Variants in R3HDM2 observed in about 807,000 individuals in gnomAD.
R3HDM2 encodes R3H domain containing 2.
R3HDM2 carries 38 observed loss-of-function variants against 124.5 expected under a neutral mutation model. The ratio of observed to expected loss-of-function variants is 0.31; its 90% CI spans 0.24 to 0.40. The LOEUF (loss-of-function observed/expected upper bound fraction) is 0.40, where lower values mean the gene tolerates loss of function less well. R3HDM2 is among the 10% of genes least tolerant of loss of function. R3HDM2 has a pLI of 1.00. For missense variants in R3HDM2, 869 were observed against 1,236.9 expected (o/e 0.70, Z 4.46); for synonymous variants, 391 against 448.0 (o/e 0.87, Z 1.61).
At position 57,269,955 on chromosome 12, in the gene R3HDM2, T is replaced by C. The variant is rs773717103; in HGVS notation, c.1384A>G (p.Ser462Gly). 1.2e-6 allele frequency: 2 copies of C among 1,614,060 alleles called. No individual in the cohort carries two copies. The highest frequency in any genetic ancestry group is 3.3e-5 in the Admixed American group (2 of 60,010). Residue 462 changes from serine (S) to glycine (G), a missense_variant, in exon 15 of 24, where the codon AGT (serine) becomes GGT (glycine). Physicochemically the swap from Ser to Gly is moderately conservative, Grantham distance 56 (BLOSUM62 0). This residue lies in a region of R3HDM2 where 602 missense variants were observed against 789.2 expected (regional missense o/e 0.76). Transcript: ENST00000402412. ...LSNPFGQMSL[S>G]RQGSTEAADP... ...GCTGCTTCAGTAGAACCTTGGCGAC[T>C]AAGGCTCATTTGTCCAAAGGGGTTG...
At chr12:57,393,455 G>C (rs552877688) in intron 2 of R3HDM2, among the ~76,000 whole-genome samples, 1 of 152,026 alleles carries the variant, frequency 6.6e-6, no homozygotes, top group Admixed American at 6.6e-5. Context: ...ACTCCAGCCT[G>C]GGCAACACAG....
intron 1 of R3HDM2, among the ~76,000 whole-genome samples, chr12:57,400,062 C>A (rs1162732335): frequency 6.6e-6 from 1 of 152,132 alleles, no homozygotes; most frequent in African/African-American, 2.4e-5. Flanking sequence ...TACCATTTGA[C>A]CCAGCCATCC....
intron 1 of R3HDM2, among the ~76,000 whole-genome samples, chr12:57,411,795 G>A (rs187554301): frequency 3.3e-5 from 5 of 152,256 alleles, no homozygotes; most frequent in African/African-American, 7.2e-5. Flanking sequence ...TGAACACCCC[G>A]ATATGGTTAG....
chr12:57,273,872 A>G (rs567787305), intron 14 of R3HDM2, among the ~76,000 whole-genome samples: 13 of 152,298 alleles, frequency 8.5e-5, no homozygotes, highest in Non-Finnish European at 1.8e-4. Context: ...AGAGTACAGG[A>G]ATTAGAAGAC....
At chr12:57,400,343 A>C (rs896966052) in intron 1 of R3HDM2, among the ~76,000 whole-genome samples, 6 of 152,006 alleles carry the variant, frequency 3.9e-5, no homozygotes, top group Admixed American at 6.6e-5. Context: ...ACAAAACACC[A>C]AACACCGCAT....
At chr12:57,315,877 T>C (rs1485610645) in intron 2 of R3HDM2, among the ~76,000 whole-genome samples, 1 of 152,212 alleles carries the variant, frequency 6.6e-6, no homozygotes, top group Non-Finnish European at 1.5e-5. Context: ...CAGAGCACTT[T>C]GGGAGGCCAA....
chr12:57,360,004 T>TAA (rs202061892), intron 2 of R3HDM2, among the ~76,000 whole-genome samples: 1 of 110,236 alleles, frequency 9.1e-6, no homozygotes, highest in East Asian at 2.6e-4. Flanking sequence ...AATAAATAAA[T>TAA]AAATATATAT....
chr12:57,304,638 T>C, intron 3 of R3HDM2: 1 of 430,620 alleles, frequency 2.3e-6, no homozygotes, highest in Non-Finnish European at 3.1e-6. Flanking sequence ...TAAGGGAAGA[T>C]TCATAGTCCA....
At chr12:57,329,268 A>C (rs887368439) in intron 2 of R3HDM2, among the ~76,000 whole-genome samples, 1 of 152,188 alleles carries the variant, frequency 6.6e-6, no homozygotes, top group East Asian at 1.9e-4. Flanking sequence ...AAAACCTATC[A>C]AAATAAAGAA....
At position 57,323,777 on chromosome 12, in the gene R3HDM2, C is replaced by T. The variant is rs115115480; in HGVS notation, c.-35-13314G>A. ...CCGTTAACAGTTTTTGTCAGCCTCT[C>T]TACATTCTTGGTTAAAAATGCCCTT... On this transcript the variant is annotated intron_variant, in intron 2 of 23. Transcript: ENST00000402412. 5.0e-3 allele frequency among the ~76,000 whole-genome samples: 768 copies of T among 152,244 alleles called. 5 individuals carry two copies. The highest frequency in any genetic ancestry group is 0.018 in the African/African-American group (731 of 41,534).
At chr12:57,316,428 G>C (rs548670544) in intron 2 of R3HDM2, among the ~76,000 whole-genome samples, 39 of 152,130 alleles carry the variant, frequency 2.6e-4, no homozygotes, top group Non-Finnish European at 4.9e-4. Flanking sequence ...AATGGAAAAG[G>C]TTTCCTATTT....
intron 2 of R3HDM2, among the ~76,000 whole-genome samples, chr12:57,383,650 G>T (rs1347574747): frequency 6.6e-6 from 1 of 152,136 alleles, no homozygotes; most frequent in Non-Finnish European, 1.5e-5. Flanking sequence ...GGAGGTTGCG[G>T]TGAGCCGAGA....
At chr12:57,422,218 A>G (rs976985326) in intron 1 of R3HDM2, among the ~76,000 whole-genome samples, 1 of 151,668 alleles carries the variant, frequency 6.6e-6, no homozygotes, top group Admixed American at 6.6e-5. Context: ...CCCTAATTCC[A>G]GTCTATTTTC....
chr12:57,259,121 G>T, intron 19 of R3HDM2, 62 bp from the exon 20 acceptor site: 1 of 1,537,666 alleles, frequency 6.5e-7, no homozygotes. Context: ...CTTCCAACTA[G>T]CCCTGAGTGG....
chr12:57,272,051 C>T (rs768315905), intron 14 of R3HDM2, among the ~76,000 whole-genome samples: 3 of 152,214 alleles, frequency 2.0e-5, no homozygotes, highest in Admixed American at 6.5e-5. Flanking sequence ...TGTGCCACCA[C>T]GCCCGGCCTG....
In R3HDM2 at chr12:57,373,883, TTTG is replaced by T. The variant is rs1334000988; in HGVS notation, c.-36+21863_-36+21865del. 3.3e-5 allele frequency among the ~76,000 whole-genome samples: 5 copies of T among 151,584 alleles called. No homozygotes were observed. The East Asian group carries it at 7.8e-4, about 24-fold the overall frequency. On this transcript the variant is annotated intron_variant, in intron 2 of 23. Transcript: ENST00000402412. The stretch of plus-strand genomic sequence containing the variant: ...TGGCTCATGCCTGCAATCCTAGCAC[TTTG>T]GGAGGCCGAGGTGGGCAGATCATCT...
chr12:57,310,396 C>T lies in R3HDM2; in HGVS notation c.33G>A (p.Leu11=), dbSNP rs1365528049. 7 of 1,547,788 alleles carry T rather than the reference C, an allele frequency of 4.5e-6. No homozygotes were observed. The highest frequency in any genetic ancestry group is 1.4e-5 in the African/African-American group (1 of 72,592). The change falls in exon 3 of 24, where the codon CTG becomes CTA. Residue 11 remains leucine, a synonymous_variant. Transcript: ENST00000402412. MSNSNTTQET[L]EIMKESEKKL... is the part of the protein sequence containing the mutation. ...TTTTTTCTGATTCTTTCATTATTTCCAGGGTCTCTTGAGTAGTGTTACTGT... is the reference window on the plus strand; with the variant it reads ...TTTTTTCTGATTCTTTCATTATTTCTAGGGTCTCTTGAGTAGTGTTACTGT...
At chr12:57,300,072 A>G (rs747976402) in intron 5 of R3HDM2, 23 bp downstream of exon 5, 100 of 1,529,618 alleles carry the variant, frequency 6.5e-5, no homozygotes, top group Middle Eastern at 1.7e-4. Flanking sequence ...CAAAAGCTAC[A>G]CTTACTCCTG....
intron 2 of R3HDM2, among the ~76,000 whole-genome samples, chr12:57,359,523 T>G (rs572160005): frequency 6.6e-6 from 1 of 152,338 alleles, no homozygotes; most frequent in African/African-American, 2.4e-5. Flanking sequence ...TTTCTTCTAA[T>G]TGGTGTTTGC....
Sources: allele counts gnomAD v4.1 joint callset (sites outside exome capture counted in the v4.1 genomes callset), GRCh38; gene constraint gnomAD v4.1.1; regional missense constraint gnomAD v4.1.1; transcripts MANE v1.5; gene names NCBI Gene and HGNC (gene_info 2026-07-23, HGNC 2026-07-21).